The following NPAS3 variants were observed in gnomAD, a reference collection of about 807,000 sequenced individuals.
NPAS3 encodes the protein neuronal PAS domain-containing protein 3.
A neutral mutation model predicts 73.1 loss-of-function variants in NPAS3; 14 were observed. The ratio of observed to expected loss-of-function variants is 0.19; its 90% CI spans 0.13 to 0.30. NPAS3 has a LOEUF of 0.30. NPAS3 is among the 10% of genes least tolerant of loss of function. NPAS3 has a pLI of 1.00. For missense variants in NPAS3, 1,096 were observed against 1,250.0 expected, an observed-to-expected ratio of 0.88 and a Z score of 1.86; for synonymous variants, 620 against 541.5, an observed-to-expected ratio of 1.14 and a Z score of -2.01.
intron 9 of NPAS3, among the ~76,000 whole-genome samples, chr14:33,790,531 A>G (rs1179038721): frequency 1.3e-5 from 2 of 151,946 alleles, no homozygotes; most frequent in African/African-American, 4.8e-5. Flanking sequence ...GGAATGATCC[A>G]ACTGATTTGC....
At chr14:33,396,208 C>A (rs111908143) in intron 4 of NPAS3, among the ~76,000 whole-genome samples, 1 of 152,142 alleles carries the variant, frequency 6.6e-6, no homozygotes, top group East Asian at 1.9e-4. Flanking sequence ...TGAGTCTCAG[C>A]TCATTTGAGT....
At chr14:33,167,789 A>C (rs1182673673) in intron 2 of NPAS3, among the ~76,000 whole-genome samples, 3 of 152,166 alleles carry the variant, frequency 2.0e-5, no homozygotes, top group African/African-American at 7.2e-5. Flanking sequence ...GAAAAACCCA[A>C]CTTCCAGACA....
intron 2 of NPAS3, among the ~76,000 whole-genome samples, chr14:33,092,377 A>G (rs2042256190): frequency 6.6e-6 from 1 of 152,332 alleles, no homozygotes; most frequent in Admixed American, 6.5e-5. Flanking sequence ...AATTGCTTTG[A>G]GAAGAATAAA....
intron 5 of NPAS3, among the ~76,000 whole-genome samples, chr14:33,608,015 A>G (rs541213432): frequency 6.6e-6 from 1 of 152,282 alleles, no homozygotes; most frequent in African/African-American, 2.4e-5. Flanking sequence ...CGTGAGGATG[A>G]TGAGGAACTA....
intron 5 of NPAS3, among the ~76,000 whole-genome samples, chr14:33,608,025 ACAATT>A (rs2057632563): frequency 6.6e-6 from 1 of 152,330 alleles, no homozygotes; most frequent in East Asian, 1.9e-4. Flanking sequence ...ATGAGGAACT[ACAATT>A]CAAGATGAGA....
intron 1 of NPAS3, among the ~76,000 whole-genome samples, chr14:33,030,776 G>A (rs2039962821): frequency 6.6e-6 from 1 of 152,192 alleles, no homozygotes; most frequent in Non-Finnish European, 1.5e-5. Context: ...TTAGAATGGA[G>A]GACGAGGACA....
intron 2 of NPAS3, among the ~76,000 whole-genome samples, chr14:33,103,104 A>G (rs1408107322): frequency 6.6e-6 from 1 of 152,194 alleles, no homozygotes; most frequent in Non-Finnish European, 1.5e-5. Flanking sequence ...CCTTATGAGG[A>G]ATGTGTTTTG....
Position 33,154,238 on chromosome 14 carries a change from T to C in NPAS3, c.141-60944T>C, listed in dbSNP as rs74041794. ...CAATTCACTATATTGACAGCTATGC[T>C]GATGGATGTGGCACTACCGCTGGTT... On this transcript the variant is annotated intron_variant, in intron 2 of 11. Transcript: ENST00000356141. Among the ~76,000 whole-genome samples, 403 of 152,358 alleles carry C rather than the reference T, an allele frequency of 2.6e-3. 1 individual carries two copies. The highest frequency in any genetic ancestry group is 9.1e-3 in the African/African-American group (377 of 41,596).
chr14:33,704,338 ATTG>A (rs923337288), intron 6 of NPAS3, among the ~76,000 whole-genome samples: 9 of 152,250 alleles, frequency 5.9e-5, no homozygotes, highest in African/African-American at 1.9e-4. Context: ...CTAAAAATTA[ATTG>A]TTAAGTGAGA....
At chr14:33,412,837 T>C (rs1341663258) in intron 4 of NPAS3, among the ~76,000 whole-genome samples, 3 of 152,190 alleles carry the variant, frequency 2.0e-5, no homozygotes, top group Admixed American at 2.0e-4. Flanking sequence ...ACACTGCCAG[T>C]GCTCATTCAA....
intron 4 of NPAS3, among the ~76,000 whole-genome samples, chr14:33,436,169 G>T (rs1245547508): frequency 6.6e-6 from 1 of 152,174 alleles, no homozygotes; most frequent in Non-Finnish European, 1.5e-5. Flanking sequence ...TGAAGAATGG[G>T]TGATTTCGAG....
At chr14:33,044,253 G>A (rs754072024) in intron 1 of NPAS3, among the ~76,000 whole-genome samples, 34 of 152,150 alleles carry the variant, frequency 2.2e-4, no homozygotes, top group Non-Finnish European at 4.0e-4. Context: ...CTGATTGGGG[G>A]TAATTTATTG....
At chr14:33,729,133 C>G (rs781447893) in intron 6 of NPAS3, among the ~76,000 whole-genome samples, 3 of 152,172 alleles carry the variant, frequency 2.0e-5, no homozygotes, top group Non-Finnish European at 2.9e-5. Context: ...CAGTCTTGTA[C>G]ATGGCACTAT....
intron 7 of NPAS3, among the ~76,000 whole-genome samples, chr14:33,750,789 T>G (rs1214795158): frequency 6.6e-6 from 1 of 151,950 alleles, no homozygotes; most frequent in Non-Finnish European, 1.5e-5. Context: ...GAGAGCAGAG[T>G]CTAGAGTTAG....
chr14:33,649,540 A>G (rs1567087783), intron 5 of NPAS3, among the ~76,000 whole-genome samples: 4 of 152,180 alleles, frequency 2.6e-5, no homozygotes, highest in South Asian at 2.1e-4. Context: ...TTAATATTTT[A>G]TCATAGATTG....
intron 1 of NPAS3, among the ~76,000 whole-genome samples, chr14:32,979,912 A>G (rs1296875): frequency 1.9e-3 from 282 of 152,020 alleles, no homozygotes; most frequent in African/African-American, 6.3e-3. Context: ...AATCAGCTAC[A>G]AAACTGGGAG....
chr14:33,198,870 G>T (rs950664565), intron 2 of NPAS3, among the ~76,000 whole-genome samples: 1 of 152,222 alleles, frequency 6.6e-6, no homozygotes, highest in Non-Finnish European at 1.5e-5. Context: ...AGGTCCCGGA[G>T]CCCTGCCCCA....
chr14:33,308,527 T>TATACACACACACAC lies in NPAS3; in HGVS notation c.386-58658_386-58657insTACACACACACACA. Among the ~76,000 whole-genome samples the TATACACACACACAC allele has an allele frequency of 2.6e-4, 27 of 103,726 alleles. 1 individual carries two copies. The highest frequency in any genetic ancestry group is 8.5e-4 in the Admixed American group (9 of 10,548). 68.0% of individuals were successfully genotyped at this position (103,726 alleles called of 152,430 possible). Reference sequence around the variant, plus strand: ...TGCATAGTTTATATATATATATATATACATACACACACACACACACACACA... The same window carrying TATACACACACACAC: ...TGCATAGTTTATATATATATATATATATACACACACACACACATACACACACACACACACACACA... On this transcript the variant is annotated intron_variant, in intron 3 of 11. Coordinates refer to ENST00000356141, the Ensembl canonical transcript of NPAS3.
At chr14:33,430,269 G>A (rs539923884) in intron 4 of NPAS3, among the ~76,000 whole-genome samples, 14 of 151,874 alleles carry the variant, frequency 9.2e-5, no homozygotes, top group South Asian at 8.3e-4. Context: ...CTTTTCCTCC[G>A]CCTTCCCTTC....
Sources: gnomAD v4.1 joint callset for allele counts (sites outside exome capture counted in the v4.1 genomes callset) on GRCh38, gnomAD v4.1.1 for gene constraint, MANE v1.5 for transcripts, NCBI Gene and HGNC (gene_info 2026-07-23, HGNC 2026-07-21) for gene names.